LDB3: variants seen among roughly 807,000 people sequenced by gnomAD.
The protein encoded by LDB3 is LIM domain-binding protein 3.
Under a neutral mutation model 69.0 loss-of-function variants are expected in LDB3, and 49 were observed. The observed-to-expected ratio is 0.71, with a 90% CI of 0.56 to 0.90. The LOEUF is 0.90. Among genes scored for constraint, LDB3 ranks in the 40% least tolerant of loss-of-function variants. The probability of loss-of-function intolerance (pLI) is 0.00; values close to 1 mark genes in which losing one functional copy is unlikely to be tolerated. For synonymous variants in LDB3, 387 were observed against 396.2 expected (o/e 0.98, Z 0.28); for missense variants, 928 against 974.1 (o/e 0.95, Z 0.63).
chr10:86,716,091 C>T (rs1457593275), intron 9 of LDB3, among the ~76,000 whole-genome samples: 1 of 152,106 alleles, frequency 6.6e-6, no homozygotes, highest in East Asian at 1.9e-4. Flanking sequence ...TAGCCATGTC[C>T]CTTTTCCAGC....
chr10:86,703,780 C>T (rs971731661), intron 7 of LDB3, among the ~76,000 whole-genome samples: 2 of 152,174 alleles, frequency 1.3e-5, no homozygotes, highest in African/African-American at 2.4e-5. Flanking sequence ...GGCCTGTATA[C>T]AGACCAGCAG....
chr10:86,716,258 G>A, intron 9 of LDB3, 69 bp from the exon 10 acceptor site: 1 of 1,564,624 alleles, frequency 6.4e-7, no homozygotes, highest in Non-Finnish European at 8.8e-7. Context: ...TCTCTGGCTA[G>A]GAGTGAGGGG....
chr10:86,681,977 C>T (rs566102410), intron 5 of LDB3, among the ~76,000 whole-genome samples, 174 bp downstream of exon 5: 36 of 152,300 alleles, frequency 2.4e-4, no homozygotes, highest in African/African-American at 7.7e-4. Context: ...GGCATGCTAG[C>T]GATTTATACA....
At chr10:86,680,310 G>A (rs913610569) in intron 4 of LDB3, among the ~76,000 whole-genome samples, 153 bp downstream of exon 4, 5 of 152,354 alleles carry the variant, frequency 3.3e-5, no homozygotes, top group Admixed American at 2.6e-4. Context: ...TGACCCTGGG[G>A]AAGTGAGGCA....
At chr10:86,679,171 C>T (rs1844965439) in intron 2 of LDB3, among the ~76,000 whole-genome samples, 196 bp from the exon 3 acceptor site, 2 of 152,146 alleles carry the variant, frequency 1.3e-5, no homozygotes. Context: ...CAGTCAGACA[C>T]AAAGCTCTAA....
rs397517214 is a variant in LDB3 at position 86,716,548 on chromosome 10, G to T, written c.1453G>T (p.Ala485Ser). Residue 485 changes from alanine (A) to serine (S), a missense_variant, in exon 10 of 14, where the codon GCC becomes TCC. Transcript: ENST00000361373. Reference sequence around the variant, plus strand: ...CTACAGCGGGGGCCCTGCGGAGCCTGCCAGCCGTCCACCCTGGGTGACAGA... The same window carrying T: ...CTACAGCGGGGGCCCTGCGGAGCCTTCCAGCCGTCCACCCTGGGTGACAGA... ...VAYSGGPAEP[A>S]SRPPWVTDDS... 23 of 1,613,460 alleles carry T rather than the reference G, an allele frequency of 1.4e-5. No individual in the cohort carries two copies. The highest frequency in any genetic ancestry group is 8.3e-5 in the Admixed American group (5 of 59,946).
At position 86,703,633 on chromosome 10, in the gene LDB3, A is replaced by G. The variant is rs569589362; in HGVS notation, c.897-2898A>G. On this transcript the variant is annotated intron_variant, in intron 7 of 13. Transcript: ENST00000361373. The stretch of plus-strand genomic sequence containing the variant: ...AGCTCCATTCTTCCGTGACCCTGTC[A>G]CAATATTTCATGCCCTTTTTACCAT... Among the ~76,000 whole-genome samples the G allele has an allele frequency of 4.6e-5, 7 of 152,358 alleles. No homozygotes were observed. In the South Asian group the frequency reaches 1.0e-3, roughly 23 times the overall value.
chr10:86,680,584 C>A (rs984764133), intron 4 of LDB3, among the ~76,000 whole-genome samples: 1 of 152,170 alleles, frequency 6.6e-6, no homozygotes, highest in African/African-American at 2.4e-5. Flanking sequence ...TGTGGAGGGG[C>A]CTGCTGGCCT....
chr10:86,729,513 T>G (rs1052890966), intron 13 of LDB3, among the ~76,000 whole-genome samples: 4 of 152,202 alleles, frequency 2.6e-5, no homozygotes. Flanking sequence ...GCAGCTGGCC[T>G]AGTTTATTAC....
intron 13 of LDB3, among the ~76,000 whole-genome samples, chr10:86,728,586 G>GTTTTTTTTTTTTTT (rs201899694): frequency 3.0e-5 from 4 of 131,454 alleles, no homozygotes; most frequent in South Asian, 2.5e-4. Context: ...TGGTTCTTTT[G>GTTTTTTTTTTTTTT]TTTTTTTTTT....
intron 5 of LDB3, among the ~76,000 whole-genome samples, chr10:86,686,605 T>C (rs895940512): frequency 1.2e-4 from 18 of 151,714 alleles, no homozygotes; most frequent in African/African-American, 4.4e-4. Context: ...CAGCTTGAGG[T>C]CAGGAGTTCA....
Position 86,692,055 on chromosome 10 carries a change from G to A in LDB3, c.849G>A (p.Gly283=). The change falls in exon 6 of 14, where the codon GGG becomes GGA. Residue 283 remains glycine (G), a synonymous_variant. Coordinates refer to ENST00000361373, the MANE Select transcript of LDB3 (RefSeq NM_007078.3). The part of the protein sequence containing the change: ...RSFRILAQMT[G]TEFMQDPDEE... Reference sequence around the variant, plus strand: ...TCCGCATCCTGGCCCAGATGACGGGGACAGAATTCAGTGAGTGCAGGCTCT... The same window carrying A: ...TCCGCATCCTGGCCCAGATGACGGGAACAGAATTCAGTGAGTGCAGGCTCT... 1 of 1,614,084 alleles carries A rather than the reference G, an allele frequency of 6.2e-7. No homozygotes were observed. The highest frequency in any genetic ancestry group is 8.5e-7 in the Non-Finnish European group (1 of 1,180,038).
At chr10:86,681,920 C>A in intron 5 of LDB3, 117 bp downstream of exon 5, 1 of 1,112,450 alleles carries the variant, frequency 9.0e-7, no homozygotes, top group Non-Finnish European at 1.3e-6. Flanking sequence ...CAGCCAGCCC[C>A]GAGCCCATGA....
intron 13 of LDB3, among the ~76,000 whole-genome samples, chr10:86,727,842 TTA>T (rs1491021571): frequency 0.021 from 1,955 of 95,272 alleles, 51 homozygotes; most frequent in African/African-American, 0.04. Flanking sequence ...CTTTTTTTTT[TTA>T]TTTTTTTTTT....
At chr10:86,732,808 C>G (rs538539516) in intron 13 of LDB3, 79 bp from the exon 14 acceptor site, 5 of 1,144,900 alleles carry the variant, frequency 4.4e-6, no homozygotes, top group South Asian at 1.3e-5. Context: ...CTGGCCAGGG[C>G]GTTTTCTTAA....
At position 86,701,754 on chromosome 10, in the gene LDB3, A is replaced by G. The variant is rs564946450; in HGVS notation, c.897-4777A>G. Among the ~76,000 whole-genome samples, 5 of 152,300 alleles carry G rather than the reference A, an allele frequency of 3.3e-5. No individual in the cohort carries two copies. The South Asian group carries it at 1.0e-3, about 32-fold the overall frequency. On this transcript the variant is annotated intron_variant, in intron 7 of 13. Transcript: ENST00000361373. The stretch of plus-strand genomic sequence containing the variant: ...GAAGCAGATACAAAAGGCTGGACAG[A>G]TACTCTAAGCAGAACAAGCAGAGGT...
At position 86,681,607 on chromosome 10, in the gene LDB3, C is replaced by T. The variant is rs45610637; in HGVS notation, c.493C>T (p.Arg165Trp). The T allele has an allele frequency of 1.1e-4, 174 of 1,613,006 alleles. No homozygotes were observed. The highest frequency in any genetic ancestry group is 1.1e-3 in the East Asian group (48 of 44,860). Reference sequence around the variant, plus strand: ...CGAGGCCTCTGACCCTGGCCCTCCGCGGGCCAGCCTGAGGGCCAAGACCAG... The same window carrying T: ...CGAGGCCTCTGACCCTGGCCCTCCGTGGGCCAGCCTGAGGGCCAAGACCAG... ...LAEASDPGPP[R>W]ASLRAKTSPE... Residue 165 changes from arginine to tryptophan, a missense_variant, in exon 5 of 14, where the codon CGG becomes TGG. Coordinates refer to ENST00000361373, the MANE Select transcript of LDB3 (RefSeq NM_007078.3).
intron 8 of LDB3, among the ~76,000 whole-genome samples, chr10:86,708,617 G>A (rs1264198287): frequency 6.6e-6 from 1 of 152,158 alleles, no homozygotes; most frequent in East Asian, 1.9e-4. Context: ...CTACTCTGCT[G>A]GTCTTAGCAC....
At chr10:86,731,318 G>C (rs184211796) in intron 13 of LDB3, among the ~76,000 whole-genome samples, 1 of 147,752 alleles carries the variant, frequency 6.8e-6, no homozygotes, top group Admixed American at 6.8e-5. Flanking sequence ...TCCGTCTTCC[G>C]GGTTCAAGTG....
Sources: gnomAD v4.1 joint callset for allele counts (sites outside exome capture counted in the v4.1 genomes callset) on GRCh38, gnomAD v4.1.1 for gene constraint, MANE v1.5 for transcripts, NCBI Gene and HGNC (gene_info 2026-07-23, HGNC 2026-07-21) for gene names.